Variants in TBC1D2B observed in about 807,000 individuals in gnomAD.
The protein encoded by TBC1D2B is TBC1 domain family, member 2B.
Under a neutral mutation model 100.8 loss-of-function variants are expected in TBC1D2B, and 64 were observed. The ratio of observed to expected loss-of-function variants is 0.64; its 90% CI spans 0.52 to 0.78. The LOEUF (loss-of-function observed/expected upper bound fraction) is 0.78. TBC1D2B is among the 30% of genes least tolerant of loss of function. TBC1D2B has a pLI of 0.00. For synonymous variants in TBC1D2B, 480 were observed against 479.7 expected (o/e 1.00, Z -0.01); for missense variants, 1,052 against 1,218.4 (o/e 0.86, Z 2.03).
At chr15:78,017,479 GTACT>G (rs1451239765) in intron 7 of TBC1D2B, among the ~76,000 whole-genome samples, 5 of 152,290 alleles carry the variant, frequency 3.3e-5, no homozygotes, top group African/African-American at 9.6e-5. Flanking sequence ...TTATAATTAT[GTACT>G]TACTTTGTTT....
chr15:78,020,955 G>T (rs1038036164), intron 6 of TBC1D2B, among the ~76,000 whole-genome samples: 12 of 152,326 alleles, frequency 7.9e-5, no homozygotes, highest in African/African-American at 2.6e-4. Context: ...AATCGCTAAT[G>T]AAAGCAATAT....
chr15:78,057,480 A>G (rs1366740935), intron 1 of TBC1D2B, among the ~76,000 whole-genome samples: 1 of 152,108 alleles, frequency 6.6e-6, no homozygotes, highest in Non-Finnish European at 1.5e-5. Context: ...CGTCTCTACT[A>G]AAAGTATTTT....
intron 3 of TBC1D2B, among the ~76,000 whole-genome samples, chr15:78,039,751 T>TAC (rs3972618): frequency 0.019 from 2,847 of 148,086 alleles, 45 homozygotes; most frequent in African/African-American, 0.038. Context: ...AGAGGCTTAC[T>TAC]ACACACACAC....
At chr15:78,034,810 T>A in intron 3 of TBC1D2B, 1 of 920,100 alleles carries the variant, frequency 1.1e-6, no homozygotes, top group Non-Finnish European at 1.3e-6. Flanking sequence ...TATAGCCAAT[T>A]CCTGTTTTTG....
intron 3 of TBC1D2B, among the ~76,000 whole-genome samples, chr15:78,037,039 C>A (rs1367460617): frequency 6.6e-6 from 1 of 152,132 alleles, no homozygotes; most frequent in Non-Finnish European, 1.5e-5. Flanking sequence ...GACATCAGAG[C>A]AAACACCTAA....
intron 1 of TBC1D2B, among the ~76,000 whole-genome samples, chr15:78,076,570 C>A (rs2073832371): frequency 7.0e-6 from 1 of 143,148 alleles, no homozygotes; most frequent in East Asian, 2.2e-4. Flanking sequence ...CATAGTGAGA[C>A]CCCCGTTTCT....
chr15:78,054,700 A>G (rs547589307), intron 1 of TBC1D2B, among the ~76,000 whole-genome samples: 1 of 152,360 alleles, frequency 6.6e-6, no homozygotes, highest in South Asian at 2.1e-4. Flanking sequence ...AGTGCTGACA[A>G]GGGTGCAGGG....
In TBC1D2B at chr15:78,063,940, A is replaced by C. The variant is rs996891041; in HGVS notation, c.361-9753T>G. Among the ~76,000 whole-genome samples, 55 of 151,864 alleles carry C rather than the reference A, an allele frequency of 3.6e-4. 1 individual carries two copies. The highest frequency in any genetic ancestry group is 1.3e-4 in the Admixed American group (2 of 15,252). On this transcript the variant is annotated intron_variant, in intron 1 of 12. Transcript: ENST00000300584. ...CCTGGGCCTCTGCAACAGCTTCCTA[A>C]CTGGACTTGCTGTCTCAGTCTCTCC...
intron 3 of TBC1D2B, among the ~76,000 whole-genome samples, chr15:78,032,410 TAA>T (rs201989706): frequency 4.7e-5 from 7 of 148,822 alleles, no homozygotes; most frequent in African/African-American, 1.7e-4. Flanking sequence ...TTTATAGCAA[TAA>T]AAAAAATATA....
At chr15:78,033,238 A>G (rs1279571460) in intron 3 of TBC1D2B, among the ~76,000 whole-genome samples, 3 of 152,212 alleles carry the variant, frequency 2.0e-5, no homozygotes, top group African/African-American at 7.2e-5. Flanking sequence ...TGAGGAGAGG[A>G]CATGCTCACA....
chr15:78,050,464 T>C (rs1242356161), intron 2 of TBC1D2B, among the ~76,000 whole-genome samples: 1 of 152,218 alleles, frequency 6.6e-6, no homozygotes, highest in Non-Finnish European at 1.5e-5. Flanking sequence ...CTTATTAGTT[T>C]ATGTGGGGAA....
At chr15:78,001,566 C>T in intron 12 of TBC1D2B, 53 bp downstream of exon 12, 1 of 1,554,704 alleles carries the variant, frequency 6.4e-7, no homozygotes, top group Non-Finnish European at 8.7e-7. Context: ...CTCAAGGAGG[C>T]AGGGGTCAGG....
chr15:78,002,325 C>T (rs1311133897), intron 11 of TBC1D2B, among the ~76,000 whole-genome samples: 1 of 152,088 alleles, frequency 6.6e-6, no homozygotes, highest in South Asian at 2.1e-4. Context: ...GCTGGGACTA[C>T]AGGCGCCCGC....
Position 78,044,953 on chromosome 15 carries a change from C to A in TBC1D2B, c.630G>T (p.Gly210=). Residue 210 remains glycine, a synonymous_variant, in exon 3 of 13, where the codon GGG becomes GGT. Transcript: ENST00000300584. ...AGTAAAAATTAATGGAATTTGGATG[C>A]CCTGGGGCGGGCTGATTTGCAGCTT... ...GEQAANQPAP[G]HPNSINFYSL... The A allele has an allele frequency of 3.1e-6, 5 of 1,613,578 alleles. No individual in the cohort carries two copies. Among genetic ancestry groups the A allele is most frequent in the Non-Finnish European group, 4.2e-6 (5 of 1,179,670 alleles).
At chr15:78,068,906 CAT>C (rs2073703162) in intron 1 of TBC1D2B, among the ~76,000 whole-genome samples, 2 of 152,232 alleles carry the variant, frequency 1.3e-5, no homozygotes, top group Non-Finnish European at 1.5e-5. Context: ...CACCCGATCA[CAT>C]GTCATTAAGA....
chr15:78,032,523 T>A, intron 3 of TBC1D2B, among the ~76,000 whole-genome samples: 1 of 150,158 alleles, frequency 6.7e-6, no homozygotes, highest in East Asian at 2.0e-4. Flanking sequence ...CAAGTCACAA[T>A]GAGGAAAAAA....
At chr15:78,052,491 T>C (rs1314229346) in intron 2 of TBC1D2B, among the ~76,000 whole-genome samples, 1 of 152,028 alleles carries the variant, frequency 6.6e-6, no homozygotes, top group Non-Finnish European at 1.5e-5. Context: ...ATACCTGGAG[T>C]CCCCATATCA....
chr15:78,061,696 C>A (rs1349318932), intron 1 of TBC1D2B, among the ~76,000 whole-genome samples: 2 of 150,414 alleles, frequency 1.3e-5, no homozygotes, highest in Non-Finnish European at 3.0e-5. Context: ...AAAATAATTT[C>A]AAATTCAATT....
At chr15:78,029,685 C>T (rs1209559416) in intron 4 of TBC1D2B, among the ~76,000 whole-genome samples, 1 of 152,182 alleles carries the variant, frequency 6.6e-6, no homozygotes, top group African/African-American at 2.4e-5. Context: ...CACCAGAATT[C>T]ATGAGACTAT....
Sources: allele counts gnomAD v4.1 joint callset (sites outside exome capture counted in the v4.1 genomes callset), GRCh38; gene constraint gnomAD v4.1.1; transcripts MANE v1.5; gene names NCBI Gene and HGNC (gene_info 2026-07-23, HGNC 2026-07-21).